The following SMYD3 variants were observed in gnomAD, a reference collection of about 807,000 sequenced individuals.
SMYD3 encodes the protein SET and MYND domain containing 3.
In SMYD3, 36 loss-of-function variants were observed where a neutral mutation model predicts 57.7. The observed-to-expected ratio is 0.62, with a 90% CI of 0.48 to 0.82. The LOEUF (loss-of-function observed/expected upper bound fraction) is 0.82, where lower values mean the gene tolerates loss of function less well. SMYD3 is among the 40% of genes least tolerant of loss of function. SMYD3 has a pLI of 0.00. For synonymous variants in SMYD3, 211 were observed against 195.0 expected (o/e 1.08, Z -0.68); for missense variants, 515 against 538.8 (o/e 0.96, Z 0.44).
chr1:245,760,834 G>A (rs1558308131), intron 11 of SMYD3, among the ~76,000 whole-genome samples: 1 of 152,212 alleles, frequency 6.6e-6, no homozygotes, highest in East Asian at 1.9e-4. Flanking sequence ...GCTAGTGGGA[G>A]AGTGATCAGA....
At chr1:245,938,500 G>C (rs1264015154) in intron 5 of SMYD3, among the ~76,000 whole-genome samples, 1 of 152,230 alleles carries the variant, frequency 6.6e-6, no homozygotes, top group Admixed American at 6.5e-5. Context: ...TCTGAGGTCA[G>C]ACAGCCCCTC....
At chr1:245,931,823 T>C (rs1457098049) in intron 5 of SMYD3, among the ~76,000 whole-genome samples, 1 of 152,208 alleles carries the variant, frequency 6.6e-6, no homozygotes, top group Non-Finnish European at 1.5e-5. Flanking sequence ...AAACAGCTCT[T>C]ACATGAAATC....
At chr1:246,047,386 T>C (rs907814276) in intron 5 of SMYD3, among the ~76,000 whole-genome samples, 32 of 152,228 alleles carry the variant, frequency 2.1e-4, no homozygotes, top group African/African-American at 7.7e-4. Context: ...AATCACTCAA[T>C]TGTGACTTTT....
intron 5 of SMYD3, among the ~76,000 whole-genome samples, chr1:246,273,873 G>C (rs1780821): frequency 9.9e-4 from 151 of 152,038 alleles, no homozygotes; most frequent in African/African-American, 3.4e-3. Context: ...CACTGCGCCC[G>C]GCCACTAATC....
At chr1:245,993,603 T>TAGAC (rs1489216099) in intron 5 of SMYD3, among the ~76,000 whole-genome samples, 2,150 of 45,090 alleles carry the variant, frequency 0.048, 48 homozygotes, top group African/African-American at 0.077. Flanking sequence ...GATAGATAGA[T>TAGAC]AGATAGATAG....
intron 1 of SMYD3, among the ~76,000 whole-genome samples, chr1:246,366,406 A>T (rs897464880): frequency 6.6e-6 from 1 of 152,162 alleles, no homozygotes; most frequent in Non-Finnish European, 1.5e-5. Context: ...TAAACCAACT[A>T]CTGAAACTTT....
chr1:246,399,949 C>G (rs892229528), intron 1 of SMYD3, among the ~76,000 whole-genome samples: 1 of 152,136 alleles, frequency 6.6e-6, no homozygotes. Context: ...TCCACGTCCT[C>G]AAAACTCTGA....
chr1:246,155,150 TACTCTAC>T (rs2062004130), intron 5 of SMYD3, among the ~76,000 whole-genome samples: 2 of 151,950 alleles, frequency 1.3e-5, no homozygotes, highest in African/African-American at 4.8e-5. Flanking sequence ...CAAACTCCCT[TACTCTAC>T]ACAAGTCATT....
At chr1:245,834,339 C>A (rs966184803) in intron 10 of SMYD3, among the ~76,000 whole-genome samples, 1 of 152,148 alleles carries the variant, frequency 6.6e-6, no homozygotes, top group Non-Finnish European at 1.5e-5. Context: ...AAGTGGCTGA[C>A]CTTTGTCACG....
chr1:245,749,735 C>G (rs1258525118), intron 11 of SMYD3, 71 bp from the exon 12 acceptor site: 1 of 1,218,972 alleles, frequency 8.2e-7, no homozygotes, highest in East Asian at 2.3e-5. Context: ...CACCTTTACC[C>G]CATGATGCCA....
At chr1:245,995,319 C>T (rs1361176765) in intron 5 of SMYD3, among the ~76,000 whole-genome samples, 4 of 152,222 alleles carry the variant, frequency 2.6e-5, no homozygotes, top group Non-Finnish European at 5.9e-5. Flanking sequence ...GGTCCAAACC[C>T]TGAATTCCGC....
At chr1:246,125,093 C>G (rs1183021858) in intron 5 of SMYD3, among the ~76,000 whole-genome samples, 1 of 145,058 alleles carries the variant, frequency 6.9e-6, no homozygotes, top group Non-Finnish European at 1.5e-5. Context: ...AAAAAACACA[C>G]ACACACACAC....
At chr1:245,980,465 T>C (rs1262844798) in intron 5 of SMYD3, among the ~76,000 whole-genome samples, 1 of 152,206 alleles carries the variant, frequency 6.6e-6, no homozygotes, top group Non-Finnish European at 1.5e-5. Flanking sequence ...AGGACGTCTG[T>C]AGATGTATTG....
intron 5 of SMYD3, among the ~76,000 whole-genome samples, chr1:245,981,592 T>C (rs796707130): frequency 3.9e-4 from 60 of 152,262 alleles, no homozygotes; most frequent in African/African-American, 1.4e-3. Context: ...CATTTATAAA[T>C]ACAAATGCTC....
chr1:246,326,187 C>A, intron 5 of SMYD3: 1 of 438,002 alleles, frequency 2.3e-6, no homozygotes, highest in Admixed American at 4.1e-5. Flanking sequence ...ATAAATATAT[C>A]TTCAAACGTG....
rs77189969 is a variant in SMYD3, at chr1:246,206,184, T to C, written c.531+121017A>G. On this transcript the variant is annotated intron_variant, in intron 5 of 11. Transcript: ENST00000490107. ...TCTTAAAATGTATTTTATAAAAATC[T>C]AGATACAACTTAAGCCTAAAATAAA... Among the ~76,000 whole-genome samples the C allele has an allele frequency of 0.021, 3,150 of 152,172 alleles. 233 individuals carry two copies. The East Asian group carries it at 0.24, about 11-fold the overall frequency.
At position 245,800,519 on chromosome 1, in the gene SMYD3, T is replaced by A. The variant is rs559927411; in HGVS notation, c.1077-36370A>T. Among the ~76,000 whole-genome samples, 165 of 152,078 alleles carry A rather than the reference T, an allele frequency of 1.1e-3. 4 individuals carry two copies. In the Middle Eastern group the frequency reaches 0.024, roughly 22 times the overall value. ...AATATTTGTGACATTAATGAACAAATGGTATTAAGGATACAGACCAAGAGA... is the reference window on the plus strand; with the variant it reads ...AATATTTGTGACATTAATGAACAAAAGGTATTAAGGATACAGACCAAGAGA... On this transcript the variant is annotated intron_variant, in intron 10 of 11. Coordinates refer to ENST00000490107, the MANE Select transcript of SMYD3 (RefSeq NM_001167740.2).
chr1:246,079,257 TAC>T (rs2060598162), intron 5 of SMYD3, among the ~76,000 whole-genome samples: 1 of 152,176 alleles, frequency 6.6e-6, no homozygotes, highest in East Asian at 1.9e-4. Context: ...AAATAGGACA[TAC>T]ACGTTAAAAG....
chr1:245,808,851 C>T (rs939205214), intron 10 of SMYD3, among the ~76,000 whole-genome samples: 1 of 152,122 alleles, frequency 6.6e-6, no homozygotes, highest in Non-Finnish European at 1.5e-5. Context: ...GAACCACTAC[C>T]TCCTGGGTTC....
Sources: gnomAD v4.1 joint callset for allele counts (sites outside exome capture counted in the v4.1 genomes callset) on GRCh38, gnomAD v4.1.1 for gene constraint, MANE v1.5 for transcripts, NCBI Gene and HGNC (gene_info 2026-07-23, HGNC 2026-07-21) for gene names.